The following RGSL1 variants were observed in gnomAD, a reference collection of about 807,000 sequenced individuals.
The protein encoded by RGSL1 is regulator of G protein signaling protein-like.
RGSL1 carries 97 observed loss-of-function variants against 124.7 expected under a neutral mutation model. That is an observed-to-expected ratio of 0.78 (90% CI 0.66 to 0.92). The LOEUF is 0.92. Ranked by LOEUF, RGSL1 falls within the 40% of genes least tolerant of loss-of-function variation. The pLI, the probability that RGSL1 is intolerant of heterozygous loss-of-function variation, is 0.00. For synonymous variants in RGSL1, 424 were observed against 438.1 expected (o/e 0.97, Z 0.40); for missense variants, 1,233 against 1,288.4 (o/e 0.96, Z 0.66).
chr1:182,555,983 G>A, intron 20 of RGSL1, 41 bp from the exon 21 acceptor site: 1 of 1,509,458 alleles, frequency 6.6e-7, no homozygotes, highest in Non-Finnish European at 9.0e-7. Context: ...CTCAATTACT[G>A]CATCATAATT....
intron 13 of RGSL1, 143 bp downstream of exon 13, chr1:182,531,053 C>A: frequency 1.0e-6 from 1 of 957,838 alleles, no homozygotes; most frequent in Non-Finnish European, 1.5e-6. Flanking sequence ...AAGTCCCTCT[C>A]TTCTCTACCT....
At chr1:182,542,689 T>A (rs1184372201) in intron 15 of RGSL1, among the ~76,000 whole-genome samples, 1 of 152,180 alleles carries the variant, frequency 6.6e-6, no homozygotes, top group Non-Finnish European at 1.5e-5. Flanking sequence ...TGTTTTCCAA[T>A]CCATGAGCAT....
chr1:182,462,526 G>A (rs1372741081), intron 4 of RGSL1, among the ~76,000 whole-genome samples: 1 of 152,068 alleles, frequency 6.6e-6, no homozygotes, highest in Non-Finnish European at 1.5e-5. Context: ...CAAGATTTAA[G>A]AGATTAATAT....
At chr1:182,498,780 T>C (rs1656126660) in intron 9 of RGSL1, among the ~76,000 whole-genome samples, 1 of 137,826 alleles carries the variant, frequency 7.3e-6, no homozygotes, top group Admixed American at 8.2e-5. Context: ...GACCAACTTT[T>C]CTTTTTCCTT....
At chr1:182,484,967 A>G (rs939124674) in intron 6 of RGSL1, among the ~76,000 whole-genome samples, 10 of 152,056 alleles carry the variant, frequency 6.6e-5, no homozygotes, top group Non-Finnish European at 1.0e-4. Flanking sequence ...CAGCAGTAAT[A>G]CCATTTCCAA....
intron 6 of RGSL1, among the ~76,000 whole-genome samples, chr1:182,480,601 G>A (rs1245519565): frequency 1.3e-5 from 2 of 151,658 alleles, no homozygotes; most frequent in Admixed American, 1.3e-4. Flanking sequence ...AATTACAGGC[G>A]CCCACCACCA....
Position 182,493,041 on chromosome 1 carries a change from T to C in RGSL1, c.1737T>C (p.Phe579=), listed in dbSNP as rs1282067443. 6.4e-7 allele frequency: 1 copy of C among 1,551,082 alleles called. No individual in the cohort carries two copies. The highest frequency in any genetic ancestry group is 1.2e-5 in the South Asian group (1 of 84,050). Residue 579 remains phenylalanine (F), a synonymous_variant, in exon 9 of 22, where the codon TTT becomes TTC. Coordinates refer to ENST00000294854, the MANE Select transcript of RGSL1 (RefSeq NM_001137669.2). The part of the protein sequence containing the change: ...VFLTDITKMS[F]EELCYKNPKM... ...TCACAGACATAACTAAAATGTCCTT[T>C]GAGGAGCTTTGCTACAAGAACCCAA...
intron 4 of RGSL1, among the ~76,000 whole-genome samples, chr1:182,462,189 T>C (rs1160406236): frequency 6.6e-6 from 1 of 151,914 alleles, no homozygotes; most frequent in African/African-American, 2.4e-5. Flanking sequence ...AACTGTGGAG[T>C]CCAGCAGGCA....
At chr1:182,451,794 G>T (rs984607857) in intron 1 of RGSL1, among the ~76,000 whole-genome samples, 2 of 151,428 alleles carry the variant, frequency 1.3e-5, no homozygotes, top group Non-Finnish European at 2.9e-5. Context: ...AAGGGCAAGA[G>T]GTGGGAGCTA....
At chr1:182,550,995 C>G in intron 17 of RGSL1, 105 bp from the exon 18 acceptor site, 1 of 727,682 alleles carries the variant, frequency 1.4e-6, no homozygotes, top group Non-Finnish European at 2.4e-6. Context: ...TGTTGGACAC[C>G]CACATTCTCT....
At position 182,497,669 on chromosome 1, in the gene RGSL1, T is replaced by A. The variant is rs993000299; in HGVS notation, c.1825+4540T>A. Among the ~76,000 whole-genome samples the A allele has an allele frequency of 5.3e-5, 8 of 152,288 alleles. 1 individual carries two copies. Among genetic ancestry groups the A allele is most frequent in the East Asian group, 1.9e-4 (1 of 5,186 alleles). On this transcript the variant is annotated intron_variant, in intron 9 of 21. Transcript: ENST00000294854. ...CACTTAATTTTCAGACCAAATTCAA[T>A]ATTTATTGAATGTCATCTTACTCAG...
intron 9 of RGSL1, among the ~76,000 whole-genome samples, chr1:182,499,421 T>C (rs1484910343): frequency 2.0e-5 from 3 of 152,234 alleles, no homozygotes; most frequent in Admixed American, 2.0e-4. Flanking sequence ...TTTACCATTA[T>C]GTGATGCCTT....
chr1:182,516,903 T>A (rs1657936484), intron 9 of RGSL1, among the ~76,000 whole-genome samples: 1 of 152,198 alleles, frequency 6.6e-6, no homozygotes, highest in Admixed American at 6.5e-5. Context: ...ATTAGAGTAT[T>A]CTGGGTTTGT....
chr1:182,481,455 T>C (rs532354128), intron 6 of RGSL1, among the ~76,000 whole-genome samples: 2 of 152,248 alleles, frequency 1.3e-5, no homozygotes, highest in African/African-American at 4.8e-5. Context: ...AATAATAAAC[T>C]TCCCAAAAGA....
intron 6 of RGSL1, among the ~76,000 whole-genome samples, chr1:182,485,383 C>T (rs538226737): frequency 6.6e-6 from 1 of 152,242 alleles, no homozygotes; most frequent in East Asian, 1.9e-4. Flanking sequence ...TGTATTGTTT[C>T]AGCTGTGTTT....
chr1:182,454,167 A>G (rs1652081463), intron 2 of RGSL1, 127 bp downstream of exon 2: 1 of 636,648 alleles, frequency 1.6e-6, no homozygotes, highest in African/African-American at 1.8e-5. Context: ...TCTTAAATAA[A>G]AAAACTCTTT....
chr1:182,547,730 A>G (rs1250411214), intron 15 of RGSL1, among the ~76,000 whole-genome samples: 1 of 152,074 alleles, frequency 6.6e-6, no homozygotes. Flanking sequence ...GTGTGGTGGC[A>G]GACGCCTGTA....
rs74128942 is a variant in RGSL1 at position 182,530,161 on chromosome 1, A to T, written c.2126-83A>T. Reference sequence around the variant, plus strand: ...AATGGGGGCTGTGAGACTCTAAGATAAAAAAAAAAAACAAAAAACCACCAG... The same window carrying T: ...AATGGGGGCTGTGAGACTCTAAGATTAAAAAAAAAAACAAAAAACCACCAG... On this transcript the variant is annotated intron_variant, in intron 11 of 21. Coordinates refer to ENST00000294854, the MANE Select transcript of RGSL1 (RefSeq NM_001137669.2). 12 of 498,994 alleles carry T rather than the reference A, an allele frequency of 2.4e-5. No homozygotes were observed. The South Asian group carries it at 2.8e-4, about 12-fold the overall frequency. 30.9% of individuals were successfully genotyped at this position (498,994 alleles called of 1,614,324 possible).
intron 17 of RGSL1, 199 bp from the exon 18 acceptor site, chr1:182,550,901 G>A (rs973503630): frequency 3.5e-6 from 2 of 567,326 alleles, no homozygotes; most frequent in Admixed American, 6.2e-5. Context: ...GCCCGCGCTG[G>A]AGCCAGGTCT....
Sources: gnomAD v4.1 joint callset for allele counts (sites outside exome capture counted in the v4.1 genomes callset) on GRCh38, gnomAD v4.1.1 for gene constraint, MANE v1.5 for transcripts, NCBI Gene and HGNC (gene_info 2026-07-23, HGNC 2026-07-21) for gene names.